RTTN: variants seen among roughly 807,000 people sequenced by gnomAD.
RTTN encodes the protein rotatin.
RTTN carries 182 observed loss-of-function variants against 269.2 expected under a neutral mutation model. The observed-to-expected ratio is 0.68, with a 90% CI of 0.60 to 0.76. RTTN has a LOEUF of 0.76. RTTN is among the 30% of genes least tolerant of loss of function. The probability of loss-of-function intolerance (pLI) is 0.00; values close to 1 mark genes in which losing one functional copy is unlikely to be tolerated. For synonymous variants in RTTN, 1,006 were observed against 963.5 expected (o/e 1.04, Z -0.82); for missense variants, 2,545 against 2,608.6 (o/e 0.98, Z 0.53).
chr18:70,118,866 C>CATTTGA (rs1027393590), intron 26 of RTTN, among the ~76,000 whole-genome samples: 5 of 152,016 alleles, frequency 3.3e-5, no homozygotes, highest in Non-Finnish European at 5.9e-5. Flanking sequence ...GCAGAAAAAG[C>CATTTGA]ATTTGACAAA....
In RTTN at chr18:70,082,012, G is replaced by A. The variant is rs764435441; in HGVS notation, c.4374+4601C>T. 3.7e-4 allele frequency among the ~76,000 whole-genome samples: 57 copies of A among 152,160 alleles called. 1 individual carries two copies. The highest frequency in any genetic ancestry group is 3.4e-3 in the Middle Eastern group (1 of 294). Reference sequence around the variant, plus strand: ...GTAAAATAACATTTGGGGAATCTGGGTGAAGAGTACATAAAAATTGTATTG... The same window carrying A: ...GTAAAATAACATTTGGGGAATCTGGATGAAGAGTACATAAAAATTGTATTG... On this transcript the variant is annotated intron_variant, in intron 32 of 48. Transcript: ENST00000640769.
chr18:70,057,181 C>A (rs2057842650), intron 37 of RTTN, among the ~76,000 whole-genome samples: 1 of 152,134 alleles, frequency 6.6e-6, no homozygotes, highest in African/African-American at 2.4e-5. Context: ...TCTTGTAGCC[C>A]TTCTTAAAAT....
rs779221896 is a variant in RTTN, at chr18:70,045,295, T to A, written c.5541+2676A>T. ...CAGCTGAAACTTAGTAATAATGTAA[T>A]AAAAGCCTATCATTTTGCACTTGAA... On this transcript the variant is annotated intron_variant, in intron 40 of 48. Transcript: ENST00000640769. Among the ~76,000 whole-genome samples, 25 of 152,218 alleles carry A rather than the reference T, an allele frequency of 1.6e-4. 1 individual carries two copies. The highest frequency in any genetic ancestry group is 3.2e-4 in the Non-Finnish European group (22 of 68,034).
In RTTN at chr18:70,169,044, A is replaced by C. The variant is rs1279001955; in HGVS notation, c.1500T>G (p.Pro500=). The change falls in exon 12 of 49, where the codon CCT becomes CCG. Residue 500 remains proline (P), a synonymous_variant. Transcript: ENST00000640769. ...AAAGGAGAAATAATGCTGTTGACAT[A>C]GGCTCTGATAAAAACTCGCTTGCCT... ...VEKASEFLSE[P]MSTALFLLSL... 1.9e-6 allele frequency: 3 copies of C among 1,599,420 alleles called. No homozygotes were observed. The African/African-American group carries it at 4.0e-5, about 22-fold the overall frequency.
chr18:70,100,745 C>T (rs138861236), intron 28 of RTTN, among the ~76,000 whole-genome samples: 4 of 152,266 alleles, frequency 2.6e-5, no homozygotes, highest in East Asian at 1.9e-4. Flanking sequence ...TTGCGAGATA[C>T]GTCCCATCAA....
intron 44 of RTTN, among the ~76,000 whole-genome samples, chr18:70,021,725 A>G (rs1165425151): frequency 6.6e-6 from 1 of 152,172 alleles, no homozygotes; most frequent in Non-Finnish European, 1.5e-5. Flanking sequence ...AGGTCTGTTT[A>G]TATCTCTTTG....
chr18:70,031,543 T>C, intron 40 of RTTN: 1 of 392,856 alleles, frequency 2.5e-6, no homozygotes, highest in Non-Finnish European at 4.5e-6. Flanking sequence ...CATTTGTAAT[T>C]CCGAAACTAC....
In RTTN at chr18:70,139,592, T is replaced by A. The variant is rs749598749; in HGVS notation, c.2788+7A>T. 5.2e-6 allele frequency: 8 copies of A among 1,544,062 alleles called. No individual in the cohort carries two copies. The highest frequency in any genetic ancestry group is 5.3e-6 in the Non-Finnish European group (6 of 1,125,306). On this transcript the variant is annotated splice_region_variant and intron_variant, in intron 21 of 48. Coordinates refer to ENST00000640769, the MANE Select transcript of RTTN (RefSeq NM_173630.4). ...ATCTAATTATTAGCAGATTTTCTTT[T>A]ATTTACCTCTGAATAACACGGTCAA...
In RTTN at chr18:70,099,928, C is replaced by T. The variant is rs1379297864; in HGVS notation, c.3904-7124G>A. On this transcript the variant is annotated intron_variant, in intron 28 of 48. Transcript: ENST00000640769. ...TTATTTCTGAGGGCTCTGTTCTGTTCCATTGGTCTATATCTCTGTTTTGGT... is the reference window on the plus strand; with the variant it reads ...TTATTTCTGAGGGCTCTGTTCTGTTTCATTGGTCTATATCTCTGTTTTGGT... Among the ~76,000 whole-genome samples, 5 of 152,242 alleles carry T rather than the reference C, an allele frequency of 3.3e-5. No homozygotes were observed. The South Asian group carries it at 1.0e-3, about 32-fold the overall frequency.
intron 9 of RTTN, among the ~76,000 whole-genome samples, chr18:70,189,296 T>G (rs764989475): frequency 6.6e-6 from 1 of 152,210 alleles, no homozygotes; most frequent in Non-Finnish European, 1.5e-5. Context: ...ACAGTTTTCC[T>G]CAGGATAAAA....
chr18:70,159,679 A>G (rs1431712996), intron 14 of RTTN, among the ~76,000 whole-genome samples: 1 of 152,150 alleles, frequency 6.6e-6, no homozygotes, highest in Non-Finnish European at 1.5e-5. Flanking sequence ...TTGATATATC[A>G]TTAGCTAGAT....
At chr18:70,102,895 G>A (rs2059207855) in intron 28 of RTTN, among the ~76,000 whole-genome samples, 1 of 152,230 alleles carries the variant, frequency 6.6e-6, no homozygotes, top group Non-Finnish European at 1.5e-5. Context: ...GTTGAGCCTG[G>A]CTGCCCCGTC....
At chr18:70,129,595 C>G (rs908302400) in intron 23 of RTTN, 6 of 150,964 alleles carry the variant, frequency 4.0e-5, no homozygotes, top group African/African-American at 1.5e-4. Flanking sequence ...GAAACTAGAT[C>G]TCTATCTCTC....
chr18:70,062,249 A>C (rs1473002126), intron 35 of RTTN, among the ~76,000 whole-genome samples: 3 of 151,972 alleles, frequency 2.0e-5, no homozygotes, highest in African/African-American at 7.3e-5. Flanking sequence ...TGTTGATTTT[A>C]TTTTTTTCAG....
rs757569951 is a variant in RTTN at position 70,178,727 on chromosome 18, T to C, written c.1306-1882A>G. Among the ~76,000 whole-genome samples, 72 of 151,940 alleles carry C rather than the reference T, an allele frequency of 4.7e-4. 1 individual carries two copies. Among genetic ancestry groups the C allele is most frequent in the Non-Finnish European group, 2.5e-4 (17 of 67,952 alleles). On this transcript the variant is annotated intron_variant, in intron 10 of 48. Coordinates refer to ENST00000640769, the MANE Select transcript of RTTN (RefSeq NM_173630.4). ...AAAATAAAATTCTAAAAAAACTTTG[T>C]GAATAAAAGGTTAAAAGTTCAATGA...
intron 28 of RTTN, among the ~76,000 whole-genome samples, chr18:70,105,793 C>A (rs2059305782): frequency 6.6e-6 from 1 of 151,948 alleles, no homozygotes; most frequent in Admixed American, 6.5e-5. Flanking sequence ...TTATTTAAAT[C>A]ATTATTTAGT....
intron 10 of RTTN, among the ~76,000 whole-genome samples, chr18:70,187,018 GTT>G (rs113373583): frequency 4.6e-5 from 7 of 152,210 alleles, no homozygotes; most frequent in African/African-American, 1.7e-4. Flanking sequence ...CTAAATAAAA[GTT>G]TTTTAGAAAA....
At chr18:70,092,533 G>T in intron 29 of RTTN, 143 bp downstream of exon 29, 1 of 862,410 alleles carries the variant, frequency 1.2e-6, no homozygotes, top group Non-Finnish European at 1.7e-6. Context: ...AAATATTCTA[G>T]TCAAAAATCA....
At chr18:70,140,028 G>T in intron 20 of RTTN, 72 bp downstream of exon 20, 1 of 990,144 alleles carries the variant, frequency 1.0e-6, no homozygotes, top group Non-Finnish European at 1.6e-6. Flanking sequence ...TCCAAATTCT[G>T]CTCAGTTCAA....
Sources: allele counts gnomAD v4.1 joint callset (sites outside exome capture counted in the v4.1 genomes callset), GRCh38; gene constraint gnomAD v4.1.1; transcripts MANE v1.5; gene names NCBI Gene and HGNC (gene_info 2026-07-23, HGNC 2026-07-21).